ZNF23: variants seen among roughly 807,000 people sequenced by gnomAD.
ZNF23 encodes zinc finger protein 23.
A neutral mutation model predicts 56.2 loss-of-function variants in ZNF23; 48 were observed. The ratio of observed to expected loss-of-function variants is 0.85; its 90% confidence interval spans 0.68 to 1.09. The LOEUF is 1.09. Ranked by LOEUF, ZNF23 falls within the 50% of genes least tolerant of loss-of-function variation. The probability of loss-of-function intolerance (pLI) is 0.00; values close to 1 mark genes in which losing one functional copy is unlikely to be tolerated. For synonymous variants in ZNF23, 266 were observed against 283.3 expected (o/e 0.94, Z 0.61); for missense variants, 805 against 811.4 (o/e 0.99, Z 0.10).
intron 4 of ZNF23, chr16:71,450,720 A>C (rs2043030830): frequency 4.9e-6 from 1 of 204,392 alleles, no homozygotes; most frequent in South Asian, 2.8e-5. Flanking sequence ...CTCCATCTCA[A>C]AAAAAAAAAA....
chr16:71,459,837 T>C (rs2043376209), intron 1 of ZNF23, among the ~76,000 whole-genome samples: 1 of 152,248 alleles, frequency 6.6e-6, no homozygotes, highest in Admixed American at 6.5e-5. Context: ...TCAGGGTTTT[T>C]TTGTGACTCA....
In ZNF23 at chr16:71,448,384, A is replaced by G. The variant is rs2042924694; in HGVS notation, c.1770T>C (p.Tyr590=). The G allele has an allele frequency of 1.2e-6, 2 of 1,613,960 alleles. No homozygotes were observed. The highest frequency in any genetic ancestry group is 1.3e-5 in the African/African-American group (1 of 74,964). Residue 590 remains tyrosine, a synonymous_variant, in exon 5 of 5, where the codon TAT becomes TAC. Coordinates refer to ENST00000647773, the MANE Select transcript of ZNF23 (RefSeq NM_001381984.1). ...CEKAFSCSSN[Y]IVHQRIHTGE... ...CTGTATGGATTCTCTGGTGCACAATATAGTTAGAACTACAGCTGAATGCTT... is the reference window on the plus strand; with the variant it reads ...CTGTATGGATTCTCTGGTGCACAATGTAGTTAGAACTACAGCTGAATGCTT...
rs149820594 is a variant in ZNF23 at position 71,449,722 on chromosome 16, C to T, written c.432G>A (p.Glu144=). ...CTGTTCCATCAATGGTGTTGCTCTT[C>T]TCCTTCTTTATATTTCCTGCTGAGT... ...EVHSAGNIKK[E]KSNTIDGTVK... Residue 144 remains glutamate (E), a synonymous_variant, in exon 5 of 5, where the codon GAG becomes GAA. Coordinates refer to ENST00000647773, the MANE Select transcript of ZNF23 (RefSeq NM_001381984.1). The T allele has an allele frequency of 1.3e-4, 217 of 1,613,958 alleles. No individual in the cohort carries two copies. Among genetic ancestry groups the T allele is most frequent in the Non-Finnish European group, 1.7e-4 (204 of 1,180,000 alleles).
intron 3 of ZNF23, 77 bp from the exon 4 acceptor site, chr16:71,453,427 G>T: frequency 8.6e-7 from 1 of 1,156,096 alleles, no homozygotes; most frequent in Non-Finnish European, 1.3e-6. Flanking sequence ...TTCTCAGACT[G>T]TCTCAGCAAT....
Position 71,448,170 on chromosome 16 carries a change from T to G in ZNF23, c.1984A>C (p.Ser662Arg). The G allele has an allele frequency of 6.2e-7, 1 of 1,614,224 alleles. No homozygotes were observed. The highest frequency in any genetic ancestry group is 8.5e-7 in the Non-Finnish European group (1 of 1,180,030). ...VHTWKKPYMC[S>R]VCGKAFRFSF... Reference sequence around the variant, plus strand: ...AACCTGAATGCTTTCCCACACACACTACACATATAGGGTTTCTTCCAAGTG... The same window carrying G: ...AACCTGAATGCTTTCCCACACACACGACACATATAGGGTTTCTTCCAAGTG... Residue 662 changes from serine to arginine, a missense_variant, in exon 5 of 5, where the codon AGT becomes CGT. Physicochemically the swap from Ser to Arg is moderately radical, Grantham distance 110. Coordinates refer to ENST00000647773, the MANE Select transcript of ZNF23 (RefSeq NM_001381984.1).
chr16:71,448,385 T>C lies in ZNF23; in HGVS notation c.1769A>G (p.Tyr590Cys), dbSNP rs150221148. Residue 590 changes from tyrosine (Y) to cysteine (C), a missense_variant, in exon 5 of 5, where the codon TAT becomes TGT. Tyr to Cys is a radical substitution (Grantham distance 194). Transcript: ENST00000647773. ...TGTATGGATTCTCTGGTGCACAATA[T>C]AGTTAGAACTACAGCTGAATGCTTT... ...CEKAFSCSSN[Y>C]IVHQRIHTGE... 6.2e-6 allele frequency: 10 copies of C among 1,613,890 alleles called. No homozygotes were observed. In the African/African-American group the frequency reaches 6.7e-5, roughly 11 times the overall value.
At chr16:71,461,972 G>C (rs1283463404) in intron 1 of ZNF23, 1 of 152,286 alleles carries the variant, frequency 6.6e-6, no homozygotes, top group Non-Finnish European at 1.5e-5. Flanking sequence ...GGCTGGGACA[G>C]CAACGTGCGT....
chr16:71,454,838 G>C (rs928250383), intron 2 of ZNF23, among the ~76,000 whole-genome samples: 2 of 152,220 alleles, frequency 1.3e-5, no homozygotes, highest in East Asian at 3.8e-4. Context: ...AAAGCAGGGA[G>C]ACCGGCCTTC....
rs1250326121 is a variant in ZNF23, at chr16:71,453,262, G to A, written c.249C>T (p.Gly83=). The A allele has an allele frequency of 4.4e-6, 7 of 1,608,086 alleles. No homozygotes were observed. Among genetic ancestry groups the A allele is most frequent in the Non-Finnish European group, 5.9e-6 (7 of 1,176,970 alleles). ...GGSSPLAAGT[G]LQGLQTVDIQ... The stretch of plus-strand genomic sequence containing the variant: ...CCTTACCAGTCTGGAGGCCCTGGAG[G>A]CCTGTTCCTGCAGCCAGTGGAGATG... The change falls in exon 4 of 5, where the codon GGC becomes GGT. Residue 83 remains glycine, a synonymous_variant. Coordinates refer to ENST00000647773, the MANE Select transcript of ZNF23 (RefSeq NM_001381984.1).
intron 1 of ZNF23, among the ~76,000 whole-genome samples, chr16:71,458,634 A>G (rs754770618): frequency 1.4e-4 from 21 of 152,152 alleles, no homozygotes; most frequent in Non-Finnish European, 1.5e-4. Context: ...ATGAGGTCCA[A>G]TAGGGGTGAT....
chr16:71,450,635 C>T, intron 4 of ZNF23: 1 of 425,852 alleles, frequency 2.3e-6, no homozygotes, highest in Non-Finnish European at 4.8e-6. Context: ...AGGAGAATTG[C>T]TCGAACCCGG....
chr16:71,450,220 A>G (rs2043007089), intron 4 of ZNF23: 1 of 179,852 alleles, frequency 5.6e-6, no homozygotes, highest in Non-Finnish European at 1.1e-5. Context: ...GAAAACTTCT[A>G]GAAGAATCCA....
intron 2 of ZNF23, 160 bp from the exon 3 acceptor site, chr16:71,454,328 T>A: frequency 3.1e-6 from 3 of 982,832 alleles, no homozygotes; most frequent in Non-Finnish European, 2.8e-6. Context: ...ATCGAGAAAG[T>A]AAACTACAAA....
In ZNF23 at chr16:71,448,766, T is replaced by G; in HGVS notation, c.1388A>C (p.Tyr463Ser). Residue 463 changes from tyrosine to serine, a missense_variant, in exon 5 of 5, where the codon TAT (tyrosine) becomes TCT (serine). By Grantham distance (144) the Tyr-to-Ser change is moderately radical. Coordinates refer to ENST00000647773, the MANE Select transcript of ZNF23 (RefSeq NM_001381984.1). The stretch of plus-strand genomic sequence containing the variant: ...GGCTTTCCCGCATTCATTACACTCA[T>G]AGGGTTTCTCGCCTGTGTGAATTCT... ...HQRIHTGEKP[Y>S]ECNECGKAFR... is the part of the protein sequence containing the mutation. 2 of 1,614,196 alleles carry G rather than the reference T, an allele frequency of 1.2e-6. No homozygotes were observed. Among genetic ancestry groups the G allele is most frequent in the Non-Finnish European group, 1.7e-6 (2 of 1,180,028 alleles).
chr16:71,453,754 TG>T (rs1373963531), intron 3 of ZNF23: 2 of 551,516 alleles, frequency 3.6e-6, no homozygotes, highest in Non-Finnish European at 3.2e-6. Context: ...AGGGGGCAAC[TG>T]AAGATGCCAC....
rs2043247211 is a variant in ZNF23, at chr16:71,456,751, C to A, written c.33+13G>T. 1 of 986,028 alleles carries A rather than the reference C, an allele frequency of 1.0e-6. No homozygotes were observed. Among genetic ancestry groups the A allele is most frequent in the Non-Finnish European group, 1.2e-6 (1 of 830,078 alleles). The allele number at this position is 986,028 out of a possible 1,614,324, so 61.1% of individuals were successfully genotyped here. On this transcript the variant is annotated intron_variant, in intron 2 of 4. Coordinates refer to ENST00000647773, the MANE Select transcript of ZNF23 (RefSeq NM_001381984.1). ...ACTGCCCAGAGGAAGAGCTGAAGGA[C>A]CCCACAGCTCACCTGGGGCCAGGCT... is the stretch of plus-strand genomic sequence containing the variant.
chr16:71,459,330 A>C (rs536381870), intron 1 of ZNF23, among the ~76,000 whole-genome samples: 2 of 152,332 alleles, frequency 1.3e-5, no homozygotes, highest in South Asian at 4.1e-4. Context: ...TTAAGACTCC[A>C]AGGCTCCTCA....
intron 1 of ZNF23, among the ~76,000 whole-genome samples, chr16:71,460,042 C>G (rs1169659423): frequency 6.6e-6 from 1 of 152,180 alleles, no homozygotes; most frequent in Non-Finnish European, 1.5e-5. Context: ...GAGTCAAGAC[C>G]ATGGGGCTCA....
chr16:71,449,036 T>C lies in ZNF23; in HGVS notation c.1118A>G (p.His373Arg). The C allele has an allele frequency of 2.5e-6, 4 of 1,614,248 alleles. No homozygotes were observed. The highest frequency in any genetic ancestry group is 1.6e-4 in the Middle Eastern group (1 of 6,062). The change falls in exon 5 of 5, where the codon CAT (histidine) becomes CGT (arginine). Residue 373 changes from histidine (H) to arginine (R), a missense_variant. By Grantham distance (29) the His-to-Arg change is conservative. Coordinates refer to ENST00000647773, the MANE Select transcript of ZNF23 (RefSeq NM_001381984.1). Reference protein sequence around the residue: ...NAKLIQHQRIHTGEKPYECNE... With the variant: ...NAKLIQHQRIRTGEKPYECNE... The stretch of plus-strand genomic sequence containing the variant: ...ACATTCATAAGGTTTCTCTCCAGTA[T>C]GGATTCTCTGATGTTGAATTAATTT...
Sources: allele counts gnomAD v4.1 joint callset (sites outside exome capture counted in the v4.1 genomes callset), GRCh38; gene constraint gnomAD v4.1.1; transcripts MANE v1.5; gene names NCBI Gene and HGNC (gene_info 2026-07-23, HGNC 2026-07-21).